SLC12A7: variants seen among roughly 807,000 people sequenced by gnomAD.
SLC12A7 encodes K-Cl cotransporter 4.
Under a neutral mutation model 120.6 loss-of-function variants are expected in SLC12A7, and 100 were observed. The ratio of observed to expected loss-of-function variants is 0.83; its 90% CI spans 0.71 to 0.98. The LOEUF is 0.98. Among genes scored for constraint, SLC12A7 ranks in the 50% least tolerant of loss-of-function variants. SLC12A7 has a pLI of 0.00. For synonymous variants in SLC12A7, 760 were observed against 678.0 expected (o/e 1.12, Z -1.88); for missense variants, 1,373 against 1,548.1 (o/e 0.89, Z 1.90).
At chr5:1,073,907 C>T (rs140057148) in intron 16 of SLC12A7, 106 bp from the exon 17 acceptor site, 19,100 of 1,127,912 alleles carry the variant, frequency 0.017, 194 homozygotes, top group Non-Finnish European at 0.019. Context: ...ACAGGTGGGA[C>T]GGGAGATACA....
rs1002156622 is a variant in SLC12A7, at chr5:1,083,744, C to T, written c.1129+1G>A. ...TCCAGCTGCAGCCCTGTGAGCCTCACCCAGGAAGACACCACTGGCCGCGCC... is the reference window on the plus strand; with the variant it reads ...TCCAGCTGCAGCCCTGTGAGCCTCATCCAGGAAGACACCACTGGCCGCGCC... On this transcript the variant is annotated splice_donor_variant, in intron 8 of 23. Coordinates refer to ENST00000264930, the MANE Select transcript of SLC12A7 (RefSeq NM_006598.3). LOFTEE classifies it high-confidence loss of function. The T allele has an allele frequency of 6.2e-7, 1 of 1,612,116 alleles. No individual in the cohort carries two copies. Among genetic ancestry groups the T allele is most frequent in the Non-Finnish European group, 8.5e-7 (1 of 1,179,864 alleles).
chr5:1,061,745 T>C (rs1276852745), intron 20 of SLC12A7, among the ~76,000 whole-genome samples: 1 of 151,912 alleles, frequency 6.6e-6, no homozygotes, highest in African/African-American at 2.4e-5. Context: ...AGGTCAGAAG[T>C]TCGAGACCAG....
intron 17 of SLC12A7, among the ~76,000 whole-genome samples, chr5:1,065,930 CG>C (rs1737003685): frequency 8.5e-6 from 1 of 117,230 alleles, no homozygotes; most frequent in South Asian, 3.0e-4. Flanking sequence ...CGGCGGGGGG[CG>C]GGGGTGGGGG....
At chr5:1,145,037 T>C in the SLC12A7 span, among the ~76,000 whole-genome samples, 5 of 152,306 alleles carry the variant, frequency 3.3e-5, no homozygotes, top group Admixed American at 6.5e-5. The surrounding 1 kb of genome is among the most constrained non-coding windows in gnomAD (Gnocchi z 4.4). Context: ...GGAAGGAGCA[T>C]GTGCTGTCGG....
At chr5:1,090,462 C>T (rs1740373941) in intron 3 of SLC12A7, among the ~76,000 whole-genome samples, 1 of 152,190 alleles carries the variant, frequency 6.6e-6, no homozygotes, top group South Asian at 2.1e-4. Flanking sequence ...GGGGCCGCTG[C>T]TGGGCCCTCC....
In SLC12A7 at chr5:1,079,326, G is replaced by A. The variant is rs1738734940; in HGVS notation, c.1396+72C>T. 4 of 1,208,088 alleles carry A rather than the reference G, an allele frequency of 3.3e-6. No individual in the cohort carries two copies. The Admixed American group carries it at 6.9e-5, about 21-fold the overall frequency. 74.8% of individuals were successfully genotyped at this position (1,208,088 alleles called of 1,614,324 possible). A position where few individuals can be genotyped will look rare whatever the true frequency, so the allele number is the denominator to read the frequency against. On this transcript the variant is annotated intron_variant, in intron 10 of 23. Transcript: ENST00000264930. Reference sequence around the variant, plus strand: ...TGCTGGTGGCCGAGGGTATGATGCTGAGCCGGGGAGGGCATGGGGGCCTCC... The same window carrying A: ...TGCTGGTGGCCGAGGGTATGATGCTAAGCCGGGGAGGGCATGGGGGCCTCC...
chr5:1,056,650 G>A, intron 22 of SLC12A7: 1 of 941,428 alleles, frequency 1.1e-6, no homozygotes, highest in Non-Finnish European at 1.3e-6. Flanking sequence ...GAGAGCACCA[G>A]GCTGTTCCAG....
chr5:1,053,445 T>G lies in SLC12A7; in HGVS notation c.3064A>C (p.Lys1022Gln), dbSNP rs1381922779. ...TTGTTGAGGACGACGCCATTGAGCT[T>G]CACAGCCGTGTGCATCCGCCTGACG... ...SNVRRMHTAV[K>Q]LNGVVLNKSQ... The change falls in exon 23 of 24, where the codon AAG becomes CAG. Residue 1022 changes from lysine to glutamine, a missense_variant. By Grantham distance (53) the Lys-to-Gln change is moderately conservative. Transcript: ENST00000264930. The G allele has an allele frequency of 6.2e-7, 1 of 1,613,690 alleles. No homozygotes were observed. The highest frequency in any genetic ancestry group is 8.5e-7 in the Non-Finnish European group (1 of 1,180,006).
intron 23 of SLC12A7, among the ~76,000 whole-genome samples, chr5:1,053,146 C>A (rs906753598): frequency 1.3e-5 from 2 of 152,214 alleles, no homozygotes; most frequent in African/African-American, 4.8e-5. Flanking sequence ...CTCCCCCACA[C>A]CAATGCCAGG....
At chr5:1,151,024 G>A in the SLC12A7 span, among the ~76,000 whole-genome samples, 2 of 152,230 alleles carry the variant, frequency 1.3e-5, no homozygotes, top group African/African-American at 2.4e-5. The surrounding 1 kb of genome is among the most constrained non-coding windows in gnomAD (Gnocchi z 6.2). Context: ...TGTGGTCCAC[G>A]GATGGGGAGG....
intron 3 of SLC12A7, among the ~76,000 whole-genome samples, chr5:1,092,555 G>A (rs1050007432): frequency 6.6e-6 from 1 of 152,140 alleles, no homozygotes. Context: ...AAAATAATAG[G>A]GGAATTTAAA....
chr5:1,079,086 A>G (rs561163278), intron 10 of SLC12A7, among the ~76,000 whole-genome samples: 1 of 152,178 alleles, frequency 6.6e-6, no homozygotes, highest in South Asian at 2.1e-4. Flanking sequence ...CAGCCTTGGG[A>G]TTGAGAAGCC....
rs778433939 is a variant in SLC12A7 at position 1,079,390 on chromosome 5, A to G, written c.1396+8T>C. ...CTGGAACCCTCGCCTGCACCCCTCCAAGGATACAGATGAAAGACGTCGTCA... is the reference window on the plus strand; with the variant it reads ...CTGGAACCCTCGCCTGCACCCCTCCGAGGATACAGATGAAAGACGTCGTCA... On this transcript the variant is annotated splice_region_variant and intron_variant, in intron 10 of 23. Coordinates refer to ENST00000264930, the MANE Select transcript of SLC12A7 (RefSeq NM_006598.3). The G allele has an allele frequency of 1.9e-6, 3 of 1,609,884 alleles. No individual in the cohort carries two copies. The highest frequency in any genetic ancestry group is 2.5e-6 in the Non-Finnish European group (3 of 1,177,350).
chr5:1,138,101 A>C, the SLC12A7 span, among the ~76,000 whole-genome samples: 1 of 152,196 alleles, frequency 6.6e-6, no homozygotes, highest in African/African-American at 2.4e-5. Context: ...GACTTCAAGA[A>C]TGAAGTCCCA....
intron 22 of SLC12A7, among the ~76,000 whole-genome samples, chr5:1,056,278 T>C (rs1324699641): frequency 1.3e-5 from 2 of 152,018 alleles, no homozygotes; most frequent in African/African-American, 4.8e-5. Flanking sequence ...GGCGCACGCC[T>C]CCCCTCCACT....
the SLC12A7 span, among the ~76,000 whole-genome samples, chr5:1,136,277 C>G: frequency 6.6e-6 from 1 of 152,140 alleles, no homozygotes; most frequent in Admixed American, 6.5e-5. Flanking sequence ...CCTCCTGACA[C>G]CCACCAAGAC....
chr5:1,076,562 C>G (rs899818087), intron 13 of SLC12A7, 132 bp downstream of exon 13: 4 of 711,798 alleles, frequency 5.6e-6, no homozygotes, highest in African/African-American at 1.8e-5. Context: ...ACTCCCTTCC[C>G]GGCAGGATCC....
chr5:1,053,241 G>A (rs1735245337), intron 23 of SLC12A7, 108 bp downstream of exon 23: 3 of 1,356,676 alleles, frequency 2.2e-6, no homozygotes, highest in South Asian at 2.9e-5. Flanking sequence ...GGGGCTGAAG[G>A]AGAGGCGGGA....
At chr5:1,123,679 G>A in the SLC12A7 span, among the ~76,000 whole-genome samples, 35 of 152,256 alleles carry the variant, frequency 2.3e-4, no homozygotes, top group Non-Finnish European at 4.7e-4. Context: ...TCCTGGTCTT[G>A]GAGGACACAC....
Sources: gnomAD v4.1 joint callset for allele counts (sites outside exome capture counted in the v4.1 genomes callset) on GRCh38, gnomAD v4.1.1 for gene constraint, Gnocchi (gnomAD v3.1) non-coding constraint, MANE v1.5 for transcripts, NCBI Gene and HGNC (gene_info 2026-07-23, HGNC 2026-07-21) for gene names.